Variants in PRKG1 observed in about 807,000 individuals in gnomAD.
PRKG1 encodes the protein cGMP-dependent protein kinase 1.
In PRKG1, 35 loss-of-function variants were observed where a neutral mutation model predicts 88.1. That is an observed-to-expected ratio of 0.40 (90% CI 0.30 to 0.53). PRKG1 has a LOEUF of 0.53. Ranked by LOEUF, PRKG1 falls within the 20% of genes least tolerant of loss-of-function variation. The pLI, the probability that PRKG1 is intolerant of heterozygous loss-of-function variation, is 0.59. For missense variants in PRKG1, 540 were observed against 839.8 expected (o/e 0.64, Z 4.41); for synonymous variants, 303 against 292.5 (o/e 1.04, Z -0.37).
intron 5 of PRKG1, among the ~76,000 whole-genome samples, chr10:51,955,804 T>TTTTG (rs980384122): frequency 7.9e-5 from 12 of 152,286 alleles, no homozygotes; most frequent in African/African-American, 2.9e-4. Flanking sequence ...TAAAGTGGTT[T>TTTTG]TTTGTTTGTT....
At chr10:52,066,664 A>T (rs1160134578) in intron 7 of PRKG1, among the ~76,000 whole-genome samples, 1 of 152,224 alleles carries the variant, frequency 6.6e-6, no homozygotes. Flanking sequence ...TTATGTGATG[A>T]GGACGGAAAT....
rs183264171 is a variant in PRKG1 at position 50,991,778 on chromosome 10, C to A, written c.266+134C>A. 877 of 582,828 alleles carry A rather than the reference C, an allele frequency of 1.5e-3. 5 individuals carry two copies. The African/African-American group carries it at 0.017, about 11-fold the overall frequency. The allele number at this position is 582,828 out of a possible 1,614,324, so 36.1% of individuals were successfully genotyped here. Reference sequence around the variant, plus strand: ...GCTGCGGCGCGCGGAGTGGGGGTGGCCCCGCGGCCCGGGAATGGGAAGTGT... The same window carrying A: ...GCTGCGGCGCGCGGAGTGGGGGTGGACCCGCGGCCCGGGAATGGGAAGTGT... On this transcript the variant is annotated intron_variant, in intron 1 of 17. Transcript: ENST00000401604. This position sits in a 1 kb window ranked among gnomAD's most constrained non-coding sequence, Gnocchi z 4.5.
At chr10:51,836,436 A>G (rs1840131975) in intron 4 of PRKG1, among the ~76,000 whole-genome samples, 1 of 152,058 alleles carries the variant, frequency 6.6e-6, no homozygotes. Flanking sequence ...CCATTTGTCT[A>G]TATTTGCATT....
At chr10:51,458,658 A>G (rs941856054) in intron 2 of PRKG1, among the ~76,000 whole-genome samples, 1 of 152,140 alleles carries the variant, frequency 6.6e-6, no homozygotes, top group African/African-American at 2.4e-5. Flanking sequence ...ATCTGCTAAG[A>G]ACTTTGTGTA....
At chr10:51,487,761 C>T (rs1286463274) in intron 3 of PRKG1, among the ~76,000 whole-genome samples, 1 of 152,104 alleles carries the variant, frequency 6.6e-6, no homozygotes. Context: ...GCATATAATT[C>T]CTGAGAGCAT....
In PRKG1 at chr10:51,499,951, C is replaced by A. The variant is rs144543728; in HGVS notation, c.592+32115C>A. Among the ~76,000 whole-genome samples, 446 of 152,180 alleles carry A rather than the reference C, an allele frequency of 2.9e-3. 3 individuals carry two copies. Among genetic ancestry groups the A allele is most frequent in the African/African-American group, 0.01 (426 of 41,528 alleles). On this transcript the variant is annotated intron_variant, in intron 3 of 17. Transcript: ENST00000373980. ...TCCAGCCCAGGTGACAGAGTGAGAA[C>A]CTGTCTCTAAAATAAAAAGAAAAGA...
chr10:51,756,572 T>G (rs922375859), intron 3 of PRKG1, among the ~76,000 whole-genome samples: 4 of 151,500 alleles, frequency 2.6e-5, no homozygotes, highest in African/African-American at 7.3e-5. Flanking sequence ...TCCCAGCACT[T>G]TGGGAGGCCG....
At chr10:51,511,728 A>G (rs568961330) in intron 3 of PRKG1, among the ~76,000 whole-genome samples, 7 of 152,328 alleles carry the variant, frequency 4.6e-5, no homozygotes, top group Admixed American at 2.0e-4. Context: ...GCTTAGGAGA[A>G]TGTAAATTGT....
chr10:51,601,260 G>T (rs1168271254), intron 3 of PRKG1, among the ~76,000 whole-genome samples: 1 of 152,092 alleles, frequency 6.6e-6, no homozygotes, highest in Non-Finnish European at 1.5e-5. Flanking sequence ...ATGAATGAAT[G>T]AATCTCCTTT....
At chr10:51,486,108 T>A (rs938912078) in intron 3 of PRKG1, among the ~76,000 whole-genome samples, 1 of 152,204 alleles carries the variant, frequency 6.6e-6, no homozygotes, top group Non-Finnish European at 1.5e-5. Context: ...ATTATTATTA[T>A]TTTTGTTTGC....
intron 2 of PRKG1, among the ~76,000 whole-genome samples, chr10:51,329,985 A>T (rs1841690877): frequency 1.4e-5 from 2 of 147,148 alleles, no homozygotes; most frequent in Admixed American, 6.8e-5. Flanking sequence ...TTGTACTTAG[A>T]TACTTACATC....
At chr10:51,625,580 G>A (rs1282110996) in intron 3 of PRKG1, among the ~76,000 whole-genome samples, 1 of 152,116 alleles carries the variant, frequency 6.6e-6, no homozygotes, top group East Asian at 1.9e-4. Context: ...GGAGAGAGAT[G>A]TGAGTTGATG....
At chr10:51,817,349 C>CA (rs945096635) in intron 4 of PRKG1, among the ~76,000 whole-genome samples, 3 of 142,634 alleles carry the variant, frequency 2.1e-5, no homozygotes, top group Non-Finnish European at 4.7e-5. Context: ...CCTCCCCAAC[C>CA]CCCCCCCTCC....
chr10:51,373,577 C>T lies in PRKG1; in HGVS notation c.479-94146C>T, dbSNP rs371811371. Among the ~76,000 whole-genome samples the T allele has an allele frequency of 1.4e-4, 21 of 152,220 alleles. No individual in the cohort carries two copies. In the East Asian group the frequency reaches 2.3e-3, roughly 17 times the overall value. On this transcript the variant is annotated intron_variant, in intron 2 of 17. Coordinates refer to ENST00000373980, the MANE Select transcript of PRKG1 (RefSeq NM_006258.4). ...CCTGGCATGCCTTAGCTATATTTCC[C>T]GATGCTCTCCGCCACCCCCTACCCT... is the stretch of plus-strand genomic sequence containing the variant.
At chr10:51,451,632 A>T (rs1235306650) in intron 2 of PRKG1, among the ~76,000 whole-genome samples, 1 of 151,950 alleles carries the variant, frequency 6.6e-6, no homozygotes, top group Non-Finnish European at 1.5e-5. Flanking sequence ...GCATCCAATA[A>T]ATTATTCTTT....
intron 3 of PRKG1, among the ~76,000 whole-genome samples, chr10:51,775,379 A>G (rs962472922): frequency 2.6e-5 from 4 of 152,226 alleles, no homozygotes; most frequent in African/African-American, 9.6e-5. Context: ...TAGCTTACTT[A>G]TATTAATATT....
intron 1 of PRKG1, among the ~76,000 whole-genome samples, chr10:51,150,931 C>A (rs140736274): frequency 2.6e-5 from 4 of 151,808 alleles, no homozygotes; most frequent in Non-Finnish European, 5.9e-5. Context: ...GTTTGGATGG[C>A]GCTAATTATA....
At chr10:51,468,913 T>C (rs976426151) in intron 3 of PRKG1, among the ~76,000 whole-genome samples, 2 of 151,898 alleles carry the variant, frequency 1.3e-5, no homozygotes, top group Non-Finnish European at 3.0e-5. Context: ...TTATACATCT[T>C]ATTAGTGAAA....
At chr10:51,227,838 A>G (rs1838733856) in intron 2 of PRKG1, among the ~76,000 whole-genome samples, 2 of 152,202 alleles carry the variant, frequency 1.3e-5, no homozygotes, top group African/African-American at 4.8e-5. Context: ...GAGTGGCACA[A>G]AAGTGCTTGC....
Sources: gnomAD v4.1 joint callset for allele counts (sites outside exome capture counted in the v4.1 genomes callset) on GRCh38, gnomAD v4.1.1 for gene constraint, Gnocchi (gnomAD v3.1) non-coding constraint, MANE v1.5 for transcripts, NCBI Gene and HGNC (gene_info 2026-07-23, HGNC 2026-07-21) for gene names.